Variants in RSPH9 observed in about 807,000 individuals in gnomAD.
RSPH9 encodes the protein radial spoke head protein 9 homolog.
Under a neutral mutation model 27.0 loss-of-function variants are expected in RSPH9, and 27 were observed. The ratio of observed to expected loss-of-function variants is 1.00; its 90% CI spans 0.74 to 1.38. The LOEUF (loss-of-function observed/expected upper bound fraction) is 1.38. Ranked by LOEUF, RSPH9 falls within the 40% of genes most tolerant of loss-of-function variation. The pLI is 0.00. For synonymous variants in RSPH9, 145 were observed against 147.7 expected (o/e 0.98, Z 0.13); for missense variants, 347 against 357.4 (o/e 0.97, Z 0.24).
Position 43,645,103 on chromosome 6 carries a change from A to G in RSPH9, c.5A>G (p.Asp2Gly), listed in dbSNP as rs1582372651. 6.2e-7 allele frequency: 1 copy of G among 1,611,072 alleles called. No homozygotes were observed. The highest frequency in any genetic ancestry group is 8.5e-7 in the Non-Finnish European group (1 of 1,179,832). The change falls in exon 1 of 5, where the codon GAC becomes GGC. Residue 2 changes from aspartate (D) to glycine (G), a missense_variant. Physicochemically the swap from Asp to Gly is moderately conservative, Grantham distance 94. Coordinates refer to ENST00000372163, the MANE Select transcript of RSPH9 (RefSeq NM_152732.5). ...TTGAGCGGAGCCGCTGACCTGATGGACGCCGACAGCCTCCTGCTGTCTCTG... is the reference window on the plus strand; with the variant it reads ...TTGAGCGGAGCCGCTGACCTGATGGGCGCCGACAGCCTCCTGCTGTCTCTG... M[D>G]ADSLLLSLEL...
chr6:43,656,814 C>A, intron 4 of RSPH9, 91 bp downstream of exon 4: 1 of 1,440,496 alleles, frequency 6.9e-7, no homozygotes, highest in Admixed American at 1.7e-5. Flanking sequence ...AGACTGGAAC[C>A]AAGGGCCTAG....
chr6:43,660,785 C>T (rs932893561), intron 4 of RSPH9, among the ~76,000 whole-genome samples: 1 of 152,122 alleles, frequency 6.6e-6, no homozygotes, highest in Non-Finnish European at 1.5e-5. Flanking sequence ...TTCTTAATGT[C>T]ATCTAAAATG....
chr6:43,658,784 T>G (rs1772301900), intron 4 of RSPH9, among the ~76,000 whole-genome samples: 1 of 152,158 alleles, frequency 6.6e-6, no homozygotes, highest in Non-Finnish European at 1.5e-5. Flanking sequence ...GACCTTATGA[T>G]CCGCCTACCT....
intron 4 of RSPH9, among the ~76,000 whole-genome samples, chr6:43,664,538 G>A (rs1421637381): frequency 6.6e-6 from 1 of 152,232 alleles, no homozygotes; most frequent in African/African-American, 2.4e-5. Context: ...CACAGGTGGA[G>A]CGAGACAGGG....
At chr6:43,645,362 GCTA>G in intron 1 of RSPH9, 37 bp downstream of exon 1, 1 of 616,670 alleles carries the variant, frequency 1.6e-6, no homozygotes, top group Non-Finnish European at 2.6e-6. Context: ...CCAGAGGGTG[GCTA>G]CCTGGAGGCA....
Position 43,645,296 on chromosome 6 carries a change from C to T in RSPH9, c.198C>T (p.Asp66=), listed in dbSNP as rs769502631. 5.2e-5 allele frequency: 84 copies of T among 1,613,622 alleles called. No individual in the cohort carries two copies. Among genetic ancestry groups the T allele is most frequent in the Non-Finnish European group, 4.7e-5 (56 of 1,179,974 alleles). ...DYYIAQGLSE[D]QLAPRKTLYS... ...ACATCGCGCAGGGCCTGAGTGAGGA[C>T]CAGCTCGCACCGCGCAAGACGCTCT... The change falls in exon 1 of 5, where the codon GAC becomes GAT. Residue 66 remains aspartate, a synonymous_variant. Transcript: ENST00000372163.
chr6:43,656,280 T>G (rs187448010), intron 3 of RSPH9, among the ~76,000 whole-genome samples: 1 of 152,218 alleles, frequency 6.6e-6, no homozygotes, highest in East Asian at 1.9e-4. Context: ...GAGACGGGGT[T>G]TTGCCATGTT....
rs956082603 is a variant in RSPH9, at chr6:43,672,503, T to C, written c.*1554T>C. The C allele has an allele frequency of 1.7e-5, 8 of 462,510 alleles. No individual in the cohort carries two copies. Among genetic ancestry groups the C allele is most frequent in the African/African-American group, 4.0e-5 (2 of 49,888 alleles). The allele number at this position is 462,510 out of a possible 1,614,324, so 28.7% of individuals were successfully genotyped here. A position where few individuals can be genotyped will look rare whatever the true frequency, so the allele number is the denominator to read the frequency against. ...GCCGCCCATGGACCTTTGGCCTCCT[T>C]TGGGGATGGCCAGGGCCCTGATAGT... On this transcript the variant is annotated 3_prime_UTR_variant, in exon 5 of 5. Coordinates refer to ENST00000372163, the MANE Select transcript of RSPH9 (RefSeq NM_152732.5).
Position 43,672,376 on chromosome 6 carries a change from C to G in RSPH9, c.*1427C>G, listed in dbSNP as rs1413060465. 1 of 471,768 alleles carries G rather than the reference C, an allele frequency of 2.1e-6. No homozygotes were observed. Among genetic ancestry groups the G allele is most frequent in the Admixed American group, 2.3e-5 (1 of 42,602 alleles). 29.2% of individuals were successfully genotyped at this position (471,768 alleles called of 1,614,324 possible). On this transcript the variant is annotated 3_prime_UTR_variant, in exon 5 of 5. Coordinates refer to ENST00000372163, the MANE Select transcript of RSPH9 (RefSeq NM_152732.5). Reference sequence around the variant, plus strand: ...CTATAACTGGTATAAGACCCCTGCCCCTCACCCAACCTGTGATGGGAATCA... The same window carrying G: ...CTATAACTGGTATAAGACCCCTGCCGCTCACCCAACCTGTGATGGGAATCA...
Position 43,663,738 on chromosome 6 carries a change from C to CA in RSPH9, c.670+7023dup, listed in dbSNP as rs1333741826. Among the ~76,000 whole-genome samples, 165 of 148,252 alleles carry CA rather than the reference C, an allele frequency of 1.1e-3. 1 individual carries two copies. Among genetic ancestry groups the CA allele is most frequent in the African/African-American group, 3.9e-3 (150 of 38,522 alleles). On this transcript the variant is annotated intron_variant, in intron 4 of 4. Coordinates refer to ENST00000372163, the MANE Select transcript of RSPH9 (RefSeq NM_152732.5). ...ACCATAACACATATAATAATAATAACAAAAAAAAGGGCTGAGTGCGGTGAC... is the reference window on the plus strand; with the variant it reads ...ACCATAACACATATAATAATAATAACAAAAAAAAAGGGCTGAGTGCGGTGAC...
In RSPH9 at chr6:43,672,525, T is replaced by C. The variant is rs544822676; in HGVS notation, c.*1576T>C. The C allele has an allele frequency of 6.8e-5, 30 of 438,692 alleles. No homozygotes were observed. The highest frequency in any genetic ancestry group is 3.3e-4 in the African/African-American group (16 of 48,992). The allele number at this position is 438,692 out of a possible 1,614,324, so 27.2% of individuals were successfully genotyped here. The stretch of plus-strand genomic sequence containing the variant: ...CCTTTGGGGATGGCCAGGGCCCTGA[T>C]AGTTCCCAGAAAAGTGGCTCATGCC... On this transcript the variant is annotated 3_prime_UTR_variant, in exon 5 of 5. Transcript: ENST00000372163.
intron 4 of RSPH9, among the ~76,000 whole-genome samples, chr6:43,666,112 C>T (rs1773108253): frequency 6.6e-6 from 1 of 152,224 alleles, no homozygotes; most frequent in Admixed American, 6.5e-5. Context: ...AGGCATAAGC[C>T]ACCGTGCCCA....
At chr6:43,670,310 T>C (rs1050640253) in intron 4 of RSPH9, among the ~76,000 whole-genome samples, 1 of 152,170 alleles carries the variant, frequency 6.6e-6, no homozygotes, top group Non-Finnish European at 1.5e-5. Context: ...AGCAGTGAGA[T>C]GGCTAAAAGG....
At chr6:43,658,011 C>T (rs1306792010) in intron 4 of RSPH9, among the ~76,000 whole-genome samples, 11 of 152,096 alleles carry the variant, frequency 7.2e-5, no homozygotes, top group South Asian at 2.1e-4. Flanking sequence ...ACACACCAGC[C>T]GGGTGCGGTG....
Position 43,670,902 on chromosome 6 carries a change from T to C in RSPH9, c.784T>C (p.Tyr262His). ...CCGCACCAAGAACTATGGCTACGTC[T>C]ACGTGGGCACTGGCGAGAAGAACAT... ...APRTKNYGYV[Y>H]VGTGEKNMDL... The change falls in exon 5 of 5, where the codon TAC becomes CAC. Residue 262 changes from tyrosine to histidine, a missense_variant. Coordinates refer to ENST00000372163, the MANE Select transcript of RSPH9 (RefSeq NM_152732.5). 6.2e-7 allele frequency: 1 copy of C among 1,614,220 alleles called. No homozygotes were observed. Among genetic ancestry groups the C allele is most frequent in the Non-Finnish European group, 8.5e-7 (1 of 1,180,044 alleles).
At chr6:43,666,595 G>T in intron 4 of RSPH9, 1 of 965,744 alleles carries the variant, frequency 1.0e-6, no homozygotes, top group Non-Finnish European at 1.6e-6. Context: ...AGGAGTGGGA[G>T]AGCTGTTGTC....
chr6:43,652,729 G>A (rs776361617), intron 2 of RSPH9, among the ~76,000 whole-genome samples: 29 of 125,980 alleles, frequency 2.3e-4, no homozygotes, highest in Non-Finnish European at 4.1e-4. Context: ...CCCAACTTCC[G>A]GTTTTTTTTT....
At chr6:43,666,982 GATCTGCCCACCTCAGC>G in intron 4 of RSPH9, among the ~76,000 whole-genome samples, 1 of 152,160 alleles carries the variant, frequency 6.6e-6, no homozygotes, top group African/African-American at 2.4e-5. Flanking sequence ...GACCTCAGGT[GATCTGCCCACCTCAGC>G]CTCCCAAAGT....
intron 4 of RSPH9, among the ~76,000 whole-genome samples, chr6:43,657,214 C>A (rs540547821): frequency 6.6e-6 from 1 of 152,180 alleles, no homozygotes; most frequent in East Asian, 1.9e-4. Context: ...TCTAGGCCAT[C>A]GGGGGCCAGG....
Sources: gnomAD v4.1 joint callset for allele counts (sites outside exome capture counted in the v4.1 genomes callset) on GRCh38, gnomAD v4.1.1 for gene constraint, MANE v1.5 for transcripts, NCBI Gene and HGNC (gene_info 2026-07-23, HGNC 2026-07-21) for gene names.